Variants in ANTXR1 observed in about 807,000 individuals in gnomAD.
ANTXR1 encodes anthrax toxin receptor 1.
Under a neutral mutation model 78.1 loss-of-function variants are expected in ANTXR1, and 19 were observed. The ratio of observed to expected loss-of-function variants is 0.24; its 90% CI spans 0.17 to 0.36. The LOEUF is 0.36. Ranked by LOEUF, ANTXR1 falls within the 10% of genes least tolerant of loss-of-function variation. The pLI is 1.00. For missense variants in ANTXR1, 518 were observed against 718.6 expected, an observed-to-expected ratio of 0.72 and a Z score of 3.19; for synonymous variants, 273 against 260.5, an observed-to-expected ratio of 1.05 and a Z score of -0.46.
intron 10 of ANTXR1, chr2:69,103,850 G>A (rs561596118): frequency 6.5e-6 from 1 of 153,344 alleles, no homozygotes; most frequent in South Asian, 2.1e-4. Context: ...TGCTACAACA[G>A]CCCTGAGAGG....
chr2:69,118,356 A>C (rs922027754), intron 10 of ANTXR1, among the ~76,000 whole-genome samples: 4 of 152,142 alleles, frequency 2.6e-5, no homozygotes, highest in Non-Finnish European at 5.9e-5. Context: ...CTTAAAGCAC[A>C]GAAGATTGAG....
intron 8 of ANTXR1, among the ~76,000 whole-genome samples, chr2:69,082,611 C>T (rs1352498999): frequency 1.3e-5 from 2 of 152,156 alleles, no homozygotes; most frequent in South Asian, 2.1e-4. Flanking sequence ...AACAGGAACC[C>T]GCATAAAAGC....
chr2:69,080,631 A>G (rs923831039), intron 8 of ANTXR1, among the ~76,000 whole-genome samples: 1 of 152,240 alleles, frequency 6.6e-6, no homozygotes, highest in Admixed American at 6.5e-5. Context: ...TAGAGCTTAC[A>G]ATCCAGTGGG....
intron 13 of ANTXR1, among the ~76,000 whole-genome samples, chr2:69,163,105 T>C (rs1018734914): frequency 6.6e-6 from 1 of 152,160 alleles, no homozygotes; most frequent in Non-Finnish European, 1.5e-5. Context: ...TTTTTTTAAA[T>C]AAACAGGTGA....
At chr2:69,098,102 G>A (rs1558543359) in intron 9 of ANTXR1, among the ~76,000 whole-genome samples, 1 of 152,194 alleles carries the variant, frequency 6.6e-6, no homozygotes, top group Non-Finnish European at 1.5e-5. Flanking sequence ...GGAGGGCTGG[G>A]AGGAGAGATT....
intron 13 of ANTXR1, among the ~76,000 whole-genome samples, chr2:69,169,922 G>C (rs1422253901): frequency 1.3e-5 from 2 of 152,258 alleles, no homozygotes; most frequent in Non-Finnish European, 2.9e-5. Context: ...ATATGTGAAT[G>C]ACTCGGTGAA....
At chr2:69,202,011 A>G (rs1421481665) in intron 17 of ANTXR1, among the ~76,000 whole-genome samples, 2 of 152,050 alleles carry the variant, frequency 1.3e-5, no homozygotes, top group Non-Finnish European at 2.9e-5. Context: ...CGCATGCCTC[A>G]CCCTAGTCAG....
At chr2:69,148,084 A>G (rs368475666) in intron 12 of ANTXR1, among the ~76,000 whole-genome samples, 74 of 152,256 alleles carry the variant, frequency 4.9e-4, no homozygotes, top group Middle Eastern at 3.4e-3. Context: ...CATACTCTCC[A>G]GTGTCAACAG....
intron 17 of ANTXR1, among the ~76,000 whole-genome samples, chr2:69,206,297 C>T (rs1056629135): frequency 1.3e-5 from 2 of 152,170 alleles, no homozygotes; most frequent in African/African-American, 4.8e-5. Flanking sequence ...GGGAATAAAT[C>T]TTTTATAAGC....
chr2:69,245,772 T>C lies in ANTXR1; in HGVS notation c.*287T>C. 2.5e-6 allele frequency: 1 copy of C among 396,840 alleles called. No homozygotes were observed. The highest frequency in any genetic ancestry group is 7.2e-4 in the Middle Eastern group (1 of 1,394). 24.6% of individuals were successfully genotyped at this position (396,840 alleles called of 1,614,324 possible). A position where few individuals can be genotyped will look rare whatever the true frequency, so the allele number is the denominator to read the frequency against. Reference sequence around the variant, plus strand: ...AAACTGCAAGATGCTCTCAACAGGATTATGTCTCATGGAGACCAGTAAGAA... The same window carrying C: ...AAACTGCAAGATGCTCTCAACAGGACTATGTCTCATGGAGACCAGTAAGAA... On this transcript the variant is annotated 3_prime_UTR_variant, in exon 18 of 18. Coordinates refer to ENST00000303714, the MANE Select transcript of ANTXR1 (RefSeq NM_032208.3).
rs79912752 is a variant in ANTXR1, at chr2:69,073,429, T to C, written c.492+328T>C. ...TATATCACTTGTAAACAAATAAACA[T>C]TGATATAATTTTTCCTTATATTTTC... On this transcript the variant is annotated intron_variant, in intron 6 of 17. Transcript: ENST00000303714. Among the ~76,000 whole-genome samples, 1,091 of 152,304 alleles carry C rather than the reference T, an allele frequency of 7.2e-3. 40 individuals carry two copies. Among genetic ancestry groups the C allele is most frequent in the Admixed American group, 0.065 (1,000 of 15,296 alleles).
intron 1 of ANTXR1, among the ~76,000 whole-genome samples, chr2:69,019,537 T>C (rs59713567): frequency 0.018 from 2,761 of 152,308 alleles, 77 homozygotes; most frequent in African/African-American, 0.063. Context: ...AATTTCTTTT[T>C]TTCAACTTTT....
At chr2:69,123,947 A>T (rs1057340357) in intron 11 of ANTXR1, among the ~76,000 whole-genome samples, 1 of 152,232 alleles carries the variant, frequency 6.6e-6, no homozygotes, top group Non-Finnish European at 1.5e-5. Flanking sequence ...TGAAACCTCC[A>T]ACTCTGGTTG....
intron 9 of ANTXR1, among the ~76,000 whole-genome samples, 181 bp downstream of exon 9, chr2:69,091,100 T>C (rs1180002867): frequency 2.7e-5 from 4 of 148,174 alleles, no homozygotes; most frequent in Non-Finnish European, 4.5e-5. Flanking sequence ...AGAAGCCACA[T>C]GTCAGTTGTT....
intron 12 of ANTXR1, among the ~76,000 whole-genome samples, chr2:69,149,372 A>G (rs550763555): frequency 3.9e-5 from 6 of 152,300 alleles, no homozygotes; most frequent in Admixed American, 6.5e-5. Context: ...ATCTCCCAGT[A>G]TGGAAGCCCC....
At chr2:69,090,692 A>T in intron 8 of ANTXR1, 167 bp from the exon 9 acceptor site, 1 of 662,396 alleles carries the variant, frequency 1.5e-6, no homozygotes, top group South Asian at 1.7e-5. Context: ...GGCTTAATAA[A>T]TGTTTGGTAT....
rs1245377168 is a variant in ANTXR1 at position 69,070,658 on chromosome 2, G to A, written c.308G>A (p.Arg103His). The change falls in exon 4 of 18, where the codon CGT (arginine) becomes CAT (histidine). Residue 103 changes from arginine to histidine, a missense_variant. By Grantham distance (29) the Arg-to-His change is conservative. This residue lies in a region of ANTXR1 where 264 missense variants were observed against 391.8 expected (regional missense o/e 0.67). Transcript: ENST00000303714. Reference sequence around the variant, plus strand: ...TCTTTGGATTTCAGAGAACAAATCCGTCAAGGCCTAGAAGAACTCCAGAAA... The same window carrying A: ...TCTTTGGATTTCAGAGAACAAATCCATCAAGGCCTAGAAGAACTCCAGAAA... ...MKLTEDREQI[R>H]QGLEELQKVL... is the part of the protein sequence containing the mutation. The A allele has an allele frequency of 8.1e-6, 13 of 1,613,942 alleles. No homozygotes were observed. The highest frequency in any genetic ancestry group is 4.5e-5 in the East Asian group (2 of 44,884).
At chr2:69,073,185 T>A (rs952847746) in intron 6 of ANTXR1, 84 bp downstream of exon 6, 1 of 1,163,684 alleles carries the variant, frequency 8.6e-7, no homozygotes, top group Admixed American at 1.7e-5. Context: ...TCTCTATTCA[T>A]GTGATAGGTG....
At chr2:69,130,186 C>A (rs1183482229) in intron 12 of ANTXR1, among the ~76,000 whole-genome samples, 1 of 152,178 alleles carries the variant, frequency 6.6e-6, no homozygotes, top group Non-Finnish European at 1.5e-5. Context: ...TCCCTGTTAA[C>A]CCTGATCAGG....
Sources: allele counts gnomAD v4.1 joint callset (sites outside exome capture counted in the v4.1 genomes callset), GRCh38; gene constraint gnomAD v4.1.1; regional missense constraint gnomAD v4.1.1; transcripts MANE v1.5; gene names NCBI Gene and HGNC (gene_info 2026-07-23, HGNC 2026-07-21).